RMC1: variants seen among roughly 807,000 people sequenced by gnomAD.
RMC1 encodes the protein regulator of MON1-CCZ1, also known as regulator of MON1-CCZ1 complex.
Under a neutral mutation model 95.5 loss-of-function variants are expected in RMC1, and 44 were observed. The ratio of observed to expected loss-of-function variants is 0.46; its 90% CI spans 0.36 to 0.59. The LOEUF (loss-of-function observed/expected upper bound fraction) is 0.59, where lower values mean the gene tolerates loss of function less well. Among genes scored for constraint, RMC1 ranks in the 20% least tolerant of loss-of-function variants. The pLI is 0.00. For synonymous variants in RMC1, 320 were observed against 303.6 expected (o/e 1.05, Z -0.56); for missense variants, 705 against 819.6 (o/e 0.86, Z 1.71).
At position 23,515,931 on chromosome 18, in the gene RMC1, G is replaced by A. The variant is rs1310886027; in HGVS notation, c.484G>A (p.Glu162Lys). The A allele has an allele frequency of 6.2e-6, 10 of 1,613,988 alleles. No individual in the cohort carries two copies. Among genetic ancestry groups the A allele is most frequent in the African/African-American group, 4.0e-5 (3 of 74,892 alleles). Residue 162 changes from glutamate (E) to lysine (K), a missense_variant, in exon 6 of 20, where the codon GAG (glutamate) becomes AAG (lysine). Physicochemically the swap from Glu to Lys is moderately conservative, Grantham distance 56. Transcript: ENST00000269221. ...TGTGAATTGGTACATGTACTGCCCCGAGAGCGCCGTGATCTTGCTGTCTAC... is the reference window on the plus strand; with the variant it reads ...TGTGAATTGGTACATGTACTGCCCCAAGAGCGCCGTGATCTTGCTGTCTAC... ...LNVNWYMYCP[E>K]SAVILLSTTV...
At position 23,531,740 on chromosome 18, in the gene RMC1, A is replaced by G. The variant is rs2058516111; in HGVS notation, c.*36A>G. 1.9e-6 allele frequency: 3 copies of G among 1,592,674 alleles called. No homozygotes were observed. Among genetic ancestry groups the G allele is most frequent in the Non-Finnish European group, 1.7e-6 (2 of 1,173,852 alleles). ...TGTTTTTTTATATAAAAATGTGTAC[A>G]AAGTTAATTTATTGCATTAATAAAG... On this transcript the variant is annotated 3_prime_UTR_variant, in exon 20 of 20. Transcript: ENST00000269221.
chr18:23,516,117 C>G, intron 6 of RMC1, 121 bp downstream of exon 6: 1 of 1,459,848 alleles, frequency 6.9e-7, no homozygotes, highest in South Asian at 1.2e-5. Context: ...ACCGCTCTGA[C>G]CACTAGAGGG....
In RMC1 at chr18:23,516,333, C is replaced by T. The variant is rs780846585; in HGVS notation, c.563C>T (p.Ser188Leu). ...QPFHFRAGTM[S>L]KLPKFEIELP... ...CCCCCTAAACAGGCTGGCACTATGT[C>T]GAAGCTGCCCAAATTTGAGATTGAA... Residue 188 changes from serine to leucine, a missense_variant, in exon 7 of 20, where the codon TCG becomes TTG. Coordinates refer to ENST00000269221, the MANE Select transcript of RMC1 (RefSeq NM_013326.5). 9 of 1,614,058 alleles carry T rather than the reference C, an allele frequency of 5.6e-6. No individual in the cohort carries two copies. The highest frequency in any genetic ancestry group is 4.0e-5 in the African/African-American group (3 of 74,928).
At chr18:23,514,479 C>T (rs762328984) in intron 5 of RMC1, among the ~76,000 whole-genome samples, 156 of 151,992 alleles carry the variant, frequency 1.0e-3, no homozygotes, top group African/African-American at 3.6e-3. Context: ...ATCCCTTGAA[C>T]GTGGGAGGTG....
chr18:23,513,248 C>A (rs2057911320), intron 5 of RMC1, among the ~76,000 whole-genome samples: 1 of 152,210 alleles, frequency 6.6e-6, no homozygotes, highest in Non-Finnish European at 1.5e-5. Flanking sequence ...GCCACTGTGT[C>A]CGGCCGAATT....
intron 3 of RMC1, 117 bp from the exon 4 acceptor site, chr18:23,507,868 T>C (rs1889410938): frequency 1.2e-6 from 1 of 817,894 alleles, no homozygotes; most frequent in Non-Finnish European, 1.7e-6. Context: ...TCTTCAGTTA[T>C]TTTCTGGTCA....
At chr18:23,516,135 T>C in intron 6 of RMC1, 139 bp downstream of exon 6, 1 of 1,381,360 alleles carries the variant, frequency 7.2e-7, no homozygotes, top group East Asian at 2.3e-5. Context: ...GGGCACTCTG[T>C]ATACCCGTCA....
chr18:23,518,557 T>C (rs151156406), intron 7 of RMC1, among the ~76,000 whole-genome samples: 1 of 152,332 alleles, frequency 6.6e-6, no homozygotes, highest in African/African-American at 2.4e-5. Context: ...ACATTCATTA[T>C]ACAAAACTTG....
intron 7 of RMC1, 128 bp downstream of exon 7, chr18:23,516,551 C>T (rs748957726): frequency 5.5e-6 from 5 of 911,046 alleles, no homozygotes; most frequent in African/African-American, 1.7e-5. Context: ...TCCCCTTGTT[C>T]TGGGTATTCA....
intron 19 of RMC1, among the ~76,000 whole-genome samples, chr18:23,531,150 C>T (rs1352538718): frequency 6.6e-6 from 1 of 152,030 alleles, no homozygotes; most frequent in Non-Finnish European, 1.5e-5. Context: ...GCCACCACAC[C>T]CGGCTGATTT....
At chr18:23,516,644 A>C (rs2058013133) in intron 7 of RMC1, among the ~76,000 whole-genome samples, 1 of 152,004 alleles carries the variant, frequency 6.6e-6, no homozygotes, top group Non-Finnish European at 1.5e-5. Context: ...GATGCTAAGG[A>C]ATTCCTTTAC....
intron 13 of RMC1, among the ~76,000 whole-genome samples, chr18:23,527,180 T>C (rs2058322919): frequency 7.4e-6 from 1 of 134,832 alleles, no homozygotes; most frequent in South Asian, 2.2e-4. Context: ...GCCTAGGAGT[T>C]CGAGACCAGC....
intron 5 of RMC1, among the ~76,000 whole-genome samples, chr18:23,511,893 C>T (rs1023595772): frequency 4.6e-5 from 7 of 151,996 alleles, no homozygotes; most frequent in African/African-American, 7.2e-5. Flanking sequence ...GAACCAGTAT[C>T]GCCAAATTTC....
At chr18:23,510,895 A>T (rs1483594842) in intron 5 of RMC1, among the ~76,000 whole-genome samples, 1 of 152,262 alleles carries the variant, frequency 6.6e-6, no homozygotes, top group African/African-American at 2.4e-5. Context: ...AATTAGTTCA[A>T]CCTTTGTGGA....
At chr18:23,520,095 C>G (rs1019476870) in intron 9 of RMC1, 107 bp from the exon 10 acceptor site, 2 of 806,460 alleles carry the variant, frequency 2.5e-6, no homozygotes, top group Non-Finnish European at 4.2e-6. Context: ...GGAGGAAATG[C>G]AAACACAGGC....
At chr18:23,526,832 C>G in intron 13 of RMC1, 67 bp downstream of exon 13, 1 of 1,568,726 alleles carries the variant, frequency 6.4e-7, no homozygotes, top group African/African-American at 1.4e-5. Context: ...CACTTTTTAT[C>G]GGGATGTGGG....
At chr18:23,527,961 T>C in intron 14 of RMC1, 60 bp downstream of exon 14, 6 of 1,349,070 alleles carry the variant, frequency 4.4e-6, no homozygotes, top group Non-Finnish European at 6.1e-6. Flanking sequence ...GGGTATTTTC[T>C]AAGTAATTAT....
intron 7 of RMC1, among the ~76,000 whole-genome samples, chr18:23,517,292 G>A (rs1340014236): frequency 2.0e-5 from 3 of 151,764 alleles, no homozygotes; most frequent in African/African-American, 7.3e-5. Context: ...TGGGACTACA[G>A]GTGCGTGCCA....
chr18:23,530,516 G>C lies in RMC1; in HGVS notation c.1798G>C (p.Ala600Pro). 6.2e-7 allele frequency: 1 copy of C among 1,614,274 alleles called. No individual in the cohort carries two copies. The highest frequency in any genetic ancestry group is 8.5e-7 in the Non-Finnish European group (1 of 1,180,058). Residue 600 changes from alanine to proline, a missense_variant, in exon 19 of 20, where the codon GCA becomes CCA. Ala to Pro is a conservative substitution (Grantham distance 27, BLOSUM62 -1). Transcript: ENST00000269221. ...TTCTGCACGAAAATTTTTAGATGCT[G>C]CAAAGCAGACTGAAGACAACATGCT... ...NISARKFLDAAKQTEDNMLFY... is the reference protein window; with the variant it reads ...NISARKFLDAPKQTEDNMLFY...
Sources: gnomAD v4.1 joint callset for allele counts (sites outside exome capture counted in the v4.1 genomes callset) on GRCh38, gnomAD v4.1.1 for gene constraint, MANE v1.5 for transcripts, NCBI Gene and HGNC (gene_info 2026-07-23, HGNC 2026-07-21) for gene names.